FRMPD1: variants seen among roughly 807,000 people sequenced by gnomAD.
FRMPD1 encodes FERM and PDZ domain containing 1.
In FRMPD1, 76 loss-of-function variants were observed where a neutral mutation model predicts 117.8. The observed-to-expected ratio is 0.65, with a 90% CI of 0.54 to 0.78. FRMPD1 has a LOEUF of 0.78. FRMPD1 is among the 30% of genes least tolerant of loss of function. The pLI, the probability that FRMPD1 is intolerant of heterozygous loss-of-function variation, is 0.00. For missense variants in FRMPD1, 1,786 were observed against 1,964.5 expected (o/e 0.91, Z 1.72); for synonymous variants, 783 against 770.4 (o/e 1.02, Z -0.27).
Position 37,740,049 on chromosome 9 carries a change from T to C in FRMPD1, c.1550-29T>C, listed in dbSNP as rs1056107983. ...ACACATAGGTAGGAGAATTCTGTTG[T>C]GTAACTGTTGCTGTACCCTGTGTTG... is the stretch of plus-strand genomic sequence containing the variant. On this transcript the variant is annotated intron_variant, in intron 14 of 15. Coordinates refer to ENST00000377765, the MANE Select transcript of FRMPD1 (RefSeq NM_014907.3). The surrounding 1 kb of genome is among the most constrained non-coding windows in gnomAD (Gnocchi z 4.2). The C allele has an allele frequency of 2.0e-6, 3 of 1,484,254 alleles. No individual in the cohort carries two copies. Among genetic ancestry groups the C allele is most frequent in the African/African-American group, 2.8e-5 (2 of 71,566 alleles). 91.9% of individuals were successfully genotyped at this position (1,484,254 alleles called of 1,614,324 possible).
intron 4 of FRMPD1, among the ~76,000 whole-genome samples, chr9:37,710,299 A>T (rs1457484238): frequency 2.6e-5 from 4 of 152,206 alleles, no homozygotes; most frequent in Non-Finnish European, 5.9e-5. Flanking sequence ...ATTGGCCTAA[A>T]TGTTCATATT....
intron 15 of FRMPD1, among the ~76,000 whole-genome samples, chr9:37,741,368 G>T (rs1824407473): frequency 6.6e-6 from 1 of 150,872 alleles, no homozygotes; most frequent in Non-Finnish European, 1.5e-5. Flanking sequence ...GGATCTGGTG[G>T]CTGTGTTTCT....
chr9:37,735,153 G>A (rs1824062143), intron 12 of FRMPD1, among the ~76,000 whole-genome samples: 1 of 152,206 alleles, frequency 6.6e-6, no homozygotes, highest in African/African-American at 2.4e-5. Flanking sequence ...ACAACAGAGA[G>A]GAAAGGGAGA....
intron 1 of FRMPD1, among the ~76,000 whole-genome samples, chr9:37,690,126 G>C (rs574073745): frequency 6.6e-6 from 1 of 152,062 alleles, no homozygotes; most frequent in African/African-American, 2.4e-5. Flanking sequence ...TGGAACTTCT[G>C]TTAGATGAAT....
At chr9:37,692,417 T>C (rs996536582) in intron 1 of FRMPD1, among the ~76,000 whole-genome samples, 13 of 152,200 alleles carry the variant, frequency 8.5e-5, no homozygotes, top group Admixed American at 2.0e-4. Flanking sequence ...CTGTTTAAGA[T>C]ACAAACCCAG....
the FRMPD1 span, chr9:37,637,055 C>T: frequency 6.5e-7 from 1 of 1,546,658 alleles, no homozygotes; most frequent in Non-Finnish European, 8.9e-7. Context: ...GCCATGAGCC[C>T]CCCGGTAGTA....
chr9:37,638,505 AGG>A, the FRMPD1 span, among the ~76,000 whole-genome samples: 2 of 152,202 alleles, frequency 1.3e-5, no homozygotes, highest in Admixed American at 6.5e-5. Flanking sequence ...ACAGATTTTC[AGG>A]AACTGATCCC....
At chr9:37,652,655 A>G (rs149805736) in intron 1 of FRMPD1, among the ~76,000 whole-genome samples, 12 of 152,288 alleles carry the variant, frequency 7.9e-5, no homozygotes, top group Non-Finnish European at 1.6e-4. Flanking sequence ...CTTGAAGCTA[A>G]TTTGTCCAGA....
chr9:37,738,082 C>A (rs1316305647), intron 14 of FRMPD1, among the ~76,000 whole-genome samples: 1 of 152,162 alleles, frequency 6.6e-6, no homozygotes, highest in African/African-American at 2.4e-5. Context: ...CTTAACAACT[C>A]CCTGCAGAGG....
In FRMPD1 at chr9:37,720,435, C is replaced by T. The variant is rs148521130; in HGVS notation, c.516+1259C>T. Among the ~76,000 whole-genome samples the T allele has an allele frequency of 3.9e-5, 6 of 152,184 alleles. No individual in the cohort carries two copies. In the South Asian group the frequency reaches 6.2e-4, roughly 16 times the overall value. ...ATCCCAGCACTCTGGGAGGCCGAGGCGGGCAGATCACAAGGTCAGAAGATC... is the reference window on the plus strand; with the variant it reads ...ATCCCAGCACTCTGGGAGGCCGAGGTGGGCAGATCACAAGGTCAGAAGATC... On this transcript the variant is annotated intron_variant, in intron 6 of 15. Coordinates refer to ENST00000377765, the MANE Select transcript of FRMPD1 (RefSeq NM_014907.3).
chr9:37,640,273 C>G, the FRMPD1 span, among the ~76,000 whole-genome samples: 1 of 152,208 alleles, frequency 6.6e-6, no homozygotes, highest in Non-Finnish European at 1.5e-5. Flanking sequence ...TGGCATACCC[C>G]TATTCTATGC....
Position 37,745,413 on chromosome 9 carries a change from G to A in FRMPD1, c.3381G>A (p.Glu1127=), listed in dbSNP as rs1298288059. The A allele has an allele frequency of 1.9e-6, 3 of 1,614,002 alleles. No homozygotes were observed. Among genetic ancestry groups the A allele is most frequent in the Admixed American group, 1.7e-5 (1 of 60,000 alleles). The change falls in exon 16 of 16, where the codon GAG becomes GAA. Residue 1127 remains glutamate (E), a synonymous_variant. Transcript: ENST00000377765. ...AAAATGGCACCAACGTATTTCAGGA[G>A]GAGTCTAGGAAGGATTCAGGTGACT... The part of the protein sequence containing the change: ...TNKNGTNVFQ[E]ESRKDSGDSP...
chr9:37,737,365 G>A (rs2118449008), intron 14 of FRMPD1, 122 bp downstream of exon 14: 1 of 730,290 alleles, frequency 1.4e-6, no homozygotes, highest in South Asian at 1.8e-5. Flanking sequence ...GTGGATGAGA[G>A]CTATTTCTCT....
chr9:37,682,736 A>G (rs1053239913), intron 1 of FRMPD1, among the ~76,000 whole-genome samples: 1 of 152,200 alleles, frequency 6.6e-6, no homozygotes, highest in African/African-American at 2.4e-5. Flanking sequence ...TAATGCTTAT[A>G]GGGTTTTACT....
At chr9:37,617,292 T>G in the FRMPD1 span, among the ~76,000 whole-genome samples, 1 of 152,228 alleles carries the variant, frequency 6.6e-6, no homozygotes, top group African/African-American at 2.4e-5. Flanking sequence ...TGTCCTCCAG[T>G]TCTGCTGGCT....
chr9:37,654,248 T>C (rs1820774641), intron 1 of FRMPD1, among the ~76,000 whole-genome samples: 2 of 151,886 alleles, frequency 1.3e-5, no homozygotes. Flanking sequence ...AGAAAATAAG[T>C]GGGGAAATGT....
chr9:37,683,897 G>A (rs1195686895), intron 1 of FRMPD1, among the ~76,000 whole-genome samples: 5 of 148,132 alleles, frequency 3.4e-5, no homozygotes, highest in Non-Finnish European at 7.4e-5. Context: ...GCTTTGGGGG[G>A]AACAACAGGT....
chr9:37,619,370 C>G, the FRMPD1 span, among the ~76,000 whole-genome samples: 2 of 152,046 alleles, frequency 1.3e-5, no homozygotes, highest in South Asian at 4.1e-4. Context: ...ATAGCAAGGG[C>G]TCAACAAATG....
chr9:37,645,993 C>T (rs1824133436), upstream of FRMPD1, among the ~76,000 whole-genome samples: 1 of 152,142 alleles, frequency 6.6e-6, no homozygotes, highest in African/African-American at 2.4e-5. Context: ...AGGCGATTTT[C>T]CCATAGCCAC....
Sources: allele counts gnomAD v4.1 joint callset (sites outside exome capture counted in the v4.1 genomes callset), GRCh38; gene constraint gnomAD v4.1.1; non-coding constraint Gnocchi (gnomAD v3.1); transcripts MANE v1.5; gene names NCBI Gene and HGNC (gene_info 2026-07-23, HGNC 2026-07-21).